The following OPCML variants were observed in gnomAD, a reference collection of about 807,000 sequenced individuals.
OPCML encodes the protein opioid-binding protein/cell adhesion molecule.
OPCML carries 13 observed loss-of-function variants against 37.8 expected under a neutral mutation model. The observed-to-expected ratio is 0.34, with a 90% CI of 0.22 to 0.55. OPCML has a LOEUF of 0.55. Ranked by LOEUF, OPCML falls within the 20% of genes least tolerant of loss-of-function variation. The pLI is 0.91. For synonymous variants in OPCML, 176 were observed against 168.8 expected (o/e 1.04, Z -0.33); for missense variants, 341 against 435.6 (o/e 0.78, Z 1.93).
chr11:132,420,728 G>A (rs576607933), intron 7 of OPCML, among the ~76,000 whole-genome samples: 28 of 152,256 alleles, frequency 1.8e-4, no homozygotes, highest in African/African-American at 6.3e-4. Flanking sequence ...AAGGGGAGAC[G>A]GATGGAGACA....
At chr11:133,414,228 T>A (rs1272317472) in intron 1 of OPCML, among the ~76,000 whole-genome samples, 1 of 152,016 alleles carries the variant, frequency 6.6e-6, no homozygotes, top group Non-Finnish European at 1.5e-5. Context: ...GCCTCCATGG[T>A]TTACCATGGA....
At chr11:132,630,466 A>G (rs142610333) in intron 3 of OPCML, among the ~76,000 whole-genome samples, 3 of 152,282 alleles carry the variant, frequency 2.0e-5, no homozygotes, top group East Asian at 1.9e-4. Flanking sequence ...TTCAAAGAAC[A>G]TTTGGTAATA....
At chr11:132,656,959 G>A in intron 3 of OPCML, 128 bp downstream of exon 3, 1 of 1,461,540 alleles carries the variant, frequency 6.8e-7, no homozygotes, top group East Asian at 2.4e-5. Flanking sequence ...AAGACATATA[G>A]TCAAACTCTG....
intron 1 of OPCML, chr11:133,008,170 C>A (rs1591905745): frequency 3.0e-5 from 30 of 985,422 alleles, no homozygotes; most frequent in Middle Eastern, 5.2e-4. Flanking sequence ...CATCAGTGAC[C>A]AAGAACCCTT....
intron 1 of OPCML, among the ~76,000 whole-genome samples, chr11:133,200,922 C>T (rs546488946): frequency 6.6e-6 from 1 of 152,188 alleles, no homozygotes; most frequent in South Asian, 2.1e-4. Context: ...AAATGTGGTA[C>T]ATACACACTA....
chr11:132,987,855 C>A (rs1263949937), intron 1 of OPCML, among the ~76,000 whole-genome samples: 1 of 152,188 alleles, frequency 6.6e-6, no homozygotes, highest in Non-Finnish European at 1.5e-5. Flanking sequence ...CTCAAATTTT[C>A]TTCTCATAGT....
chr11:133,500,766 A>C lies in OPCML; in HGVS notation c.61+31498T>G, dbSNP rs117560005. Among the ~76,000 whole-genome samples, 17 of 152,352 alleles carry C rather than the reference A, an allele frequency of 1.1e-4. No individual in the cohort carries two copies. The East Asian group carries it at 1.9e-3, about 17-fold the overall frequency. The stretch of plus-strand genomic sequence containing the variant: ...GGCTGGAGTTCCCAGAGTTACTCTC[A>C]ACGGATAGCACCAATTACTGAGGTG... On this transcript the variant is annotated intron_variant, in intron 1 of 7. Coordinates refer to ENST00000524381, the MANE Select transcript of OPCML (RefSeq NM_001012393.5).
At chr11:133,409,399 G>A (rs1184909790) in intron 1 of OPCML, among the ~76,000 whole-genome samples, 1 of 152,130 alleles carries the variant, frequency 6.6e-6, no homozygotes, top group East Asian at 1.9e-4. Flanking sequence ...TTAAGGTGAG[G>A]TGTAAAAAGG....
At chr11:133,430,708 T>G (rs971227437) in intron 1 of OPCML, among the ~76,000 whole-genome samples, 1 of 152,224 alleles carries the variant, frequency 6.6e-6, no homozygotes, top group Non-Finnish European at 1.5e-5. Flanking sequence ...GTTCAGCAAA[T>G]ATCACAGACA....
intron 1 of OPCML, among the ~76,000 whole-genome samples, chr11:133,326,192 C>A (rs564694910): frequency 1.3e-5 from 2 of 151,660 alleles, no homozygotes; most frequent in South Asian, 2.1e-4. Flanking sequence ...TTATTCCACC[C>A]GATTTTGCCT....
rs192827490 is a variant in OPCML, at chr11:133,360,746, G to A, written c.61+171518C>T. The A allele has an allele frequency of 5.9e-5, 9 of 152,302 alleles. No individual in the cohort carries two copies. In the East Asian group the frequency reaches 1.6e-3, roughly 26 times the overall value. The allele number at this position is 152,302 out of a possible 1,614,324, so 9.4% of individuals were successfully genotyped here. ...CGTTGACCTTCCCCACGGCCACGTGGGGAATATTTAGGAACACAGATGTTG... is the reference window on the plus strand; with the variant it reads ...CGTTGACCTTCCCCACGGCCACGTGAGGAATATTTAGGAACACAGATGTTG... On this transcript the variant is annotated intron_variant, in intron 1 of 7. Transcript: ENST00000524381.
At chr11:133,354,304 AC>A (rs1944226816) in intron 1 of OPCML, among the ~76,000 whole-genome samples, 3 of 9,888 alleles carry the variant, frequency 3.0e-4, no homozygotes, top group South Asian at 3.4e-3. Flanking sequence ...GGTGGTGGTG[AC>A]GTGTTGGTAG....
chr11:132,714,137 C>G (rs114480273), intron 2 of OPCML, among the ~76,000 whole-genome samples: 3 of 152,128 alleles, frequency 2.0e-5, no homozygotes, highest in African/African-American at 7.2e-5. Flanking sequence ...AAATGCAAAA[C>G]AAGACTGAAA....
chr11:132,925,050 C>T (rs940257259), intron 2 of OPCML, among the ~76,000 whole-genome samples: 1 of 152,182 alleles, frequency 6.6e-6, no homozygotes, highest in Non-Finnish European at 1.5e-5. Context: ...TCCAGTCCAC[C>T]AAAGAGCTCA....
At chr11:133,393,899 C>T (rs1312480030) in intron 1 of OPCML, among the ~76,000 whole-genome samples, 2 of 152,240 alleles carry the variant, frequency 1.3e-5, no homozygotes, top group Admixed American at 1.3e-4. Flanking sequence ...CTTGGATCAC[C>T]TGCTTAAGAA....
intron 2 of OPCML, among the ~76,000 whole-genome samples, chr11:132,940,788 CTT>C (rs147691796): frequency 0.01 from 1,592 of 151,786 alleles, 61 homozygotes; most frequent in Admixed American, 0.07. Context: ...AATAAGAAGA[CTT>C]AAGTGATAAA....
At chr11:133,039,538 C>G (rs1450870823) in intron 1 of OPCML, among the ~76,000 whole-genome samples, 3 of 152,050 alleles carry the variant, frequency 2.0e-5, no homozygotes, top group Non-Finnish European at 4.4e-5. Context: ...GGATGGTGGT[C>G]ATAGTGCACC....
At chr11:133,402,422 T>C (rs1478390817) in intron 1 of OPCML, among the ~76,000 whole-genome samples, 6 of 152,140 alleles carry the variant, frequency 3.9e-5, no homozygotes, top group Admixed American at 3.3e-4. Flanking sequence ...ATTCAAGCCA[T>C]AGCACAGTGC....
chr11:132,675,057 C>T (rs1942638570), intron 2 of OPCML, among the ~76,000 whole-genome samples: 1 of 151,816 alleles, frequency 6.6e-6, no homozygotes, highest in South Asian at 2.1e-4. Flanking sequence ...AAAGACAGGC[C>T]ATCTAGACAG....
Sources: allele counts gnomAD v4.1 joint callset (sites outside exome capture counted in the v4.1 genomes callset), GRCh38; gene constraint gnomAD v4.1.1; transcripts MANE v1.5; gene names NCBI Gene and HGNC (gene_info 2026-07-23, HGNC 2026-07-21).